IRF2: variants seen among roughly 807,000 people sequenced by gnomAD.
IRF2 encodes the protein interferon regulatory factor 2.
A neutral mutation model predicts 40.6 loss-of-function variants in IRF2; 15 were observed. That is an observed-to-expected ratio of 0.37 (90% CI 0.25 to 0.57). The LOEUF (loss-of-function observed/expected upper bound fraction) is 0.57, where lower values mean the gene tolerates loss of function less well. Among genes scored for constraint, IRF2 ranks in the 20% least tolerant of loss-of-function variants. IRF2 has a pLI of 0.77. For missense variants in IRF2, 317 were observed against 455.7 expected, an observed-to-expected ratio of 0.70 and a Z score of 2.77; for synonymous variants, 151 against 165.5, an observed-to-expected ratio of 0.91 and a Z score of 0.67.
intron 1 of IRF2, among the ~76,000 whole-genome samples, chr4:184,456,146 G>A (rs1738916847): frequency 6.6e-6 from 1 of 152,174 alleles, no homozygotes; most frequent in Non-Finnish European, 1.5e-5. Flanking sequence ...CACTGGGTTC[G>A]AGTTCCCTCT....
chr4:184,473,452 G>C (rs1459298089), intron 1 of IRF2, among the ~76,000 whole-genome samples: 1 of 147,540 alleles, frequency 6.8e-6, no homozygotes, highest in Non-Finnish European at 1.5e-5. Flanking sequence ...CCCTCGGCAC[G>C]GTGCCTTCCT....
At chr4:184,412,957 T>C (rs1271306257) in intron 5 of IRF2, among the ~76,000 whole-genome samples, 1 of 152,194 alleles carries the variant, frequency 6.6e-6, no homozygotes, top group Non-Finnish European at 1.5e-5. Flanking sequence ...TAGCTGGCAT[T>C]TACCTTCAGG....
In IRF2 at chr4:184,448,112, A is replaced by G. The variant is rs534807990; in HGVS notation, c.-6-19042T>C. 6.6e-6 allele frequency among the ~76,000 whole-genome samples: 1 copy of G among 152,340 alleles called. No homozygotes were observed. The highest frequency in any genetic ancestry group is 6.5e-5 in the Admixed American group (1 of 15,306). On this transcript the variant is annotated intron_variant, in intron 1 of 8. Transcript: ENST00000393593. This position sits in a 1 kb window ranked among gnomAD's most constrained non-coding sequence, Gnocchi z 4.3. ...AAAAATAATTCTTTGTACTATTGTTAAACTGTGGTGGAAGTCTGAAATTAG... is the reference window on the plus strand; with the variant it reads ...AAAAATAATTCTTTGTACTATTGTTGAACTGTGGTGGAAGTCTGAAATTAG...
intron 1 of IRF2, among the ~76,000 whole-genome samples, chr4:184,473,554 C>A (rs1031151961): frequency 6.8e-6 from 1 of 147,746 alleles, no homozygotes; most frequent in Admixed American, 6.7e-5. Context: ...GGAAGGAGGA[C>A]GCGGCGTCCC....
chr4:184,404,923 G>T (rs1736796976), intron 6 of IRF2, among the ~76,000 whole-genome samples: 2 of 152,186 alleles, frequency 1.3e-5, no homozygotes, highest in Non-Finnish European at 2.9e-5. Flanking sequence ...ACTACACGAA[G>T]GGAAGCACAG....
chr4:184,459,852 T>C (rs1023192578), intron 1 of IRF2, among the ~76,000 whole-genome samples: 1 of 152,106 alleles, frequency 6.6e-6, no homozygotes, highest in Non-Finnish European at 1.5e-5. Flanking sequence ...AAAAAGATAA[T>C]AATAACAAAT....
chr4:184,456,030 C>T (rs1738911670), intron 1 of IRF2, among the ~76,000 whole-genome samples: 1 of 152,150 alleles, frequency 6.6e-6, no homozygotes, highest in Non-Finnish European at 1.5e-5. Context: ...CGTGGTGTCC[C>T]GGAGGTGAGA....
chr4:184,395,434 A>AAAAAG (rs386402589), intron 7 of IRF2, among the ~76,000 whole-genome samples: 1 of 151,132 alleles, frequency 6.6e-6, no homozygotes, highest in Non-Finnish European at 1.5e-5. Flanking sequence ...AAAAAAAAAA[A>AAAAAG]AGGTGGTCAG....
chr4:184,466,318 T>G (rs554724715), intron 1 of IRF2, among the ~76,000 whole-genome samples: 116 of 152,302 alleles, frequency 7.6e-4, no homozygotes, highest in African/African-American at 2.7e-3. Flanking sequence ...CCCAAAGTGC[T>G]GGGATTACAG....
intron 1 of IRF2, among the ~76,000 whole-genome samples, chr4:184,463,657 TA>T (rs140036976): frequency 8.9e-4 from 134 of 150,852 alleles, no homozygotes; most frequent in Admixed American, 4.2e-3. Context: ...CATATATATA[TA>T]TTTTTTTTTT....
intron 6 of IRF2, among the ~76,000 whole-genome samples, chr4:184,402,294 G>T (rs1418330616): frequency 3.3e-5 from 5 of 152,120 alleles, no homozygotes; most frequent in Non-Finnish European, 7.4e-5. Context: ...AGGAGTGGGG[G>T]TTGAGCAACA....
At position 184,437,942 on chromosome 4, in the gene IRF2, T is replaced by C. The variant is rs191450444; in HGVS notation, c.-6-8872A>G. 2.0e-3 allele frequency among the ~76,000 whole-genome samples: 303 copies of C among 152,264 alleles called. 1 individual carries two copies. The highest frequency in any genetic ancestry group is 6.8e-3 in the African/African-American group (284 of 41,548). ...ACAATAGTCTTTTCCCAAATGCAAG[T>C]TCCTCCTGCAAGTTCCTCACAACGA... On this transcript the variant is annotated intron_variant, in intron 1 of 8. Transcript: ENST00000393593.
intron 1 of IRF2, among the ~76,000 whole-genome samples, chr4:184,452,959 C>T (rs1381887345): frequency 6.6e-6 from 1 of 151,940 alleles, no homozygotes; most frequent in Non-Finnish European, 1.5e-5. Context: ...TAAAACTACA[C>T]CCTTGGACCC....
rs58999581 is a variant in IRF2 at position 184,446,724 on chromosome 4, C to T, written c.-6-17654G>A. ...GAGGTAAAAAAGCATGCATAGGAGG[C>T]GGACGGATCACGAGGTCAGGAGATC... On this transcript the variant is annotated intron_variant, in intron 1 of 8. Coordinates refer to ENST00000393593, the MANE Select transcript of IRF2 (RefSeq NM_002199.4). Among the ~76,000 whole-genome samples the T allele has an allele frequency of 3.6e-3, 546 of 151,962 alleles. 5 individuals carry two copies. The highest frequency in any genetic ancestry group is 0.012 in the African/African-American group (517 of 41,432).
intron 2 of IRF2, among the ~76,000 whole-genome samples, chr4:184,422,671 C>T (rs1737523875): frequency 6.6e-6 from 1 of 152,108 alleles, no homozygotes; most frequent in Admixed American, 6.5e-5. Context: ...ATGAAAGAAG[C>T]CAGACACAAA....
intron 7 of IRF2, among the ~76,000 whole-genome samples, chr4:184,397,941 G>C (rs1736526910): frequency 6.6e-6 from 1 of 152,180 alleles, no homozygotes; most frequent in Admixed American, 6.5e-5. Context: ...AACTGGATCT[G>C]TTCCTCCCCC....
intron 2 of IRF2, among the ~76,000 whole-genome samples, chr4:184,425,538 C>T (rs149640582): frequency 6.6e-6 from 1 of 152,380 alleles, no homozygotes; most frequent in Non-Finnish European, 1.5e-5. Flanking sequence ...TGCTGAGAGG[C>T]GGCACGGGCC....
intron 6 of IRF2, 94 bp from the exon 7 acceptor site, chr4:184,399,173 C>A (rs905081357): frequency 1.5e-6 from 2 of 1,305,012 alleles, no homozygotes; most frequent in African/African-American, 1.5e-5. Flanking sequence ...AGAGCCAGGT[C>A]GCCAGGCTCC....
At chr4:184,466,563 G>A (rs1739336872) in intron 1 of IRF2, among the ~76,000 whole-genome samples, 1 of 152,142 alleles carries the variant, frequency 6.6e-6, no homozygotes, top group Non-Finnish European at 1.5e-5. Context: ...ACAGTACCAA[G>A]GAAGATCAGT....
Sources: allele counts gnomAD v4.1 joint callset (sites outside exome capture counted in the v4.1 genomes callset), GRCh38; gene constraint gnomAD v4.1.1; non-coding constraint Gnocchi (gnomAD v3.1); transcripts MANE v1.5; gene names NCBI Gene and HGNC (gene_info 2026-07-23, HGNC 2026-07-21).